The following SLCO2A1 variants were observed in gnomAD, a reference collection of about 807,000 sequenced individuals.
SLCO2A1 encodes solute carrier organic anion transporter family member 2A1, also known as matrin F/G 1.
Under a neutral mutation model 71.7 loss-of-function variants are expected in SLCO2A1, and 60 were observed. The observed-to-expected ratio is 0.84, with a 90% confidence interval of 0.68 to 1.04. SLCO2A1 has a LOEUF of 1.04. SLCO2A1 is among the 50% of genes least tolerant of loss of function. SLCO2A1 has a pLI of 0.00. For synonymous variants in SLCO2A1, 308 were observed against 326.7 expected (o/e 0.94, Z 0.62); for missense variants, 745 against 813.4 (o/e 0.92, Z 1.02).
intron 3 of SLCO2A1, among the ~76,000 whole-genome samples, chr3:133,973,270 T>TGTCA (rs1402151680): frequency 4.6e-5 from 7 of 152,246 alleles, no homozygotes; most frequent in Non-Finnish European, 8.8e-5. Context: ...GCAAGTGCAC[T>TGTCA]GTCACCTAAA....
rs147157820 is a variant in SLCO2A1, at chr3:133,996,110, C to T, written c.97-16492G>A. Among the ~76,000 whole-genome samples, 188 of 152,242 alleles carry T rather than the reference C, an allele frequency of 1.2e-3. 2 individuals carry two copies. Among genetic ancestry groups the T allele is most frequent in the African/African-American group, 4.4e-3 (184 of 41,548 alleles). On this transcript the variant is annotated intron_variant, in intron 1 of 13. Coordinates refer to ENST00000310926, the MANE Select transcript of SLCO2A1 (RefSeq NM_005630.3). ...CCTCTTTGCAGTGAGGAGGAGAGGG[C>T]GTCCTTGGGGCTGGTGGTGAACAGC... is the stretch of plus-strand genomic sequence containing the variant.
chr3:134,016,384 A>G (rs922067911), intron 1 of SLCO2A1, among the ~76,000 whole-genome samples: 3 of 152,218 alleles, frequency 2.0e-5, no homozygotes, highest in Admixed American at 1.3e-4. Flanking sequence ...ATAGGAAAAA[A>G]CATTCCAATG....
intron 1 of SLCO2A1, among the ~76,000 whole-genome samples, chr3:134,028,237 C>T (rs1214905263): frequency 6.6e-6 from 1 of 152,186 alleles, no homozygotes; most frequent in African/African-American, 2.4e-5. Context: ...TTGCCCCACC[C>T]TGGTTCCTGC....
At chr3:133,997,995 G>T (rs988523572) in intron 1 of SLCO2A1, among the ~76,000 whole-genome samples, 1 of 152,202 alleles carries the variant, frequency 6.6e-6, no homozygotes, top group Non-Finnish European at 1.5e-5. Flanking sequence ...ACGGTGCCGG[G>T]GAGGTGCTGG....
intron 3 of SLCO2A1, among the ~76,000 whole-genome samples, chr3:133,957,555 C>T (rs1177293910): frequency 1.3e-5 from 2 of 152,158 alleles, no homozygotes; most frequent in African/African-American, 4.8e-5. Flanking sequence ...AGACAGAACA[C>T]ACATTTTTCA....
intron 6 of SLCO2A1, among the ~76,000 whole-genome samples, chr3:133,949,877 G>A (rs1415823251): frequency 1.3e-5 from 2 of 151,994 alleles, no homozygotes; most frequent in Non-Finnish European, 2.9e-5. Flanking sequence ...ACCCAAGCTG[G>A]TGTGCAGTGG....
At chr3:134,015,909 C>T (rs192367270) in intron 1 of SLCO2A1, among the ~76,000 whole-genome samples, 3 of 151,906 alleles carry the variant, frequency 2.0e-5, no homozygotes. Context: ...GGTGCAATGG[C>T]AACTCAATAA....
chr3:134,023,040 G>A (rs1935621633), intron 1 of SLCO2A1, among the ~76,000 whole-genome samples: 1 of 152,126 alleles, frequency 6.6e-6, no homozygotes, highest in South Asian at 2.1e-4. Flanking sequence ...TCATCAAAGG[G>A]TGGAAAGAAG....
intron 1 of SLCO2A1, among the ~76,000 whole-genome samples, chr3:133,981,173 G>A (rs1316755949): frequency 1.3e-5 from 2 of 152,170 alleles, no homozygotes; most frequent in African/African-American, 4.8e-5. Flanking sequence ...GCTTGGCATG[G>A]ACCAGATCTG....
At chr3:134,021,544 C>T (rs151030243) in intron 1 of SLCO2A1, among the ~76,000 whole-genome samples, 716 of 151,624 alleles carry the variant, frequency 4.7e-3, no homozygotes, top group Admixed American at 0.011. Context: ...GCATAAGTGG[C>T]TGGCAGAGGC....
At chr3:133,977,584 G>A (rs1288812932) in intron 2 of SLCO2A1, among the ~76,000 whole-genome samples, 1 of 152,186 alleles carries the variant, frequency 6.6e-6, no homozygotes, top group Non-Finnish European at 1.5e-5. Flanking sequence ...ACTTTGATTA[G>A]TAGCAAGGCC....
rs201131796 is a variant in SLCO2A1, at chr3:133,955,182, G to A, written c.409C>T (p.Arg137Cys). 7.1e-5 allele frequency: 115 copies of A among 1,613,184 alleles called. No individual in the cohort carries two copies. The highest frequency in any genetic ancestry group is 3.3e-4 in the Middle Eastern group (2 of 6,046). The change falls in exon 4 of 14, where the codon CGC (arginine) becomes TGC (cysteine). Residue 137 changes from arginine to cysteine, a missense_variant. Transcript: ENST00000310926. Reference protein sequence around the residue: ...YTLASTGNNSRLQAELCQKHW... With the variant: ...YTLASTGNNSCLQAELCQKHW... ...TTCTGGCAGAGCTCGGCCTGCAAGCGGCTGTTGTTCCCTGCAACGAGAGTG... is the reference window on the plus strand; with the variant it reads ...TTCTGGCAGAGCTCGGCCTGCAAGCAGCTGTTGTTCCCTGCAACGAGAGTG...
intron 1 of SLCO2A1, among the ~76,000 whole-genome samples, chr3:134,014,548 G>A (rs933351583): frequency 2.0e-5 from 3 of 152,142 alleles, no homozygotes; most frequent in East Asian, 3.9e-4. Flanking sequence ...AAGACAATGC[G>A]GGTGCTTTCG....
chr3:134,001,181 G>T (rs772634588), intron 1 of SLCO2A1, among the ~76,000 whole-genome samples: 1 of 151,582 alleles, frequency 6.6e-6, no homozygotes, highest in Non-Finnish European at 1.5e-5. Context: ...GCAATGGCAC[G>T]ATCTCAACTC....
At chr3:133,976,489 T>C (rs995030685) in intron 2 of SLCO2A1, among the ~76,000 whole-genome samples, 6 of 152,172 alleles carry the variant, frequency 3.9e-5, no homozygotes, top group African/African-American at 1.4e-4. Context: ...TGTGGGAAGC[T>C]GAACCTCCAC....
intron 1 of SLCO2A1, among the ~76,000 whole-genome samples, chr3:134,000,952 A>G (rs768825702): frequency 6.6e-6 from 1 of 152,196 alleles, no homozygotes; most frequent in Non-Finnish European, 1.5e-5. Flanking sequence ...CCGCAAGGAT[A>G]CCTGTTCCTA....
Position 133,934,830 on chromosome 3 carries a change from C to T in SLCO2A1, c.1815G>A (p.Arg605=). 2 of 1,609,068 alleles carry T rather than the reference C, an allele frequency of 1.2e-6. No individual in the cohort carries two copies. Among genetic ancestry groups the T allele is most frequent in the South Asian group, 1.1e-5 (1 of 91,020 alleles). The change falls in exon 14 of 14, where the codon AGG becomes AGA. Residue 605 remains arginine, a splice_region_variant and synonymous_variant. Coordinates refer to ENST00000310926, the MANE Select transcript of SLCO2A1 (RefSeq NM_005630.3). ...TGTAGCCCATCTGCAGGCCCAGGTA[C>T]CTGTGGGCAGGAGGAGGCAGGACTG... The part of the protein sequence containing the change: ...AYYDNDALRD[R]YLGLQMGYKA...
intron 2 of SLCO2A1, 108 bp from the exon 3 acceptor site, chr3:133,973,933 T>TGCCAAGTGTCAGCTGGGGCCC: frequency 8.7e-7 from 1 of 1,143,632 alleles, no homozygotes; most frequent in Non-Finnish European, 1.2e-6. Flanking sequence ...GGGAGGGGGC[T>TGCCAAGTGTCAGCTGGGGCCC]GCCCAGTGTC....
intron 11 of SLCO2A1, among the ~76,000 whole-genome samples, 185 bp from the exon 12 acceptor site, chr3:133,938,678 C>T (rs1052140319): frequency 6.6e-6 from 1 of 152,062 alleles, no homozygotes; most frequent in African/African-American, 2.4e-5. Context: ...AAAGCGTGGT[C>T]CCTGGATCAT....
Sources: gnomAD v4.1 joint callset for allele counts (sites outside exome capture counted in the v4.1 genomes callset) on GRCh38, gnomAD v4.1.1 for gene constraint, MANE v1.5 for transcripts, NCBI Gene and HGNC (gene_info 2026-07-23, HGNC 2026-07-21) for gene names.